Variants in HIVEP3 observed in about 807,000 individuals in gnomAD.
The protein encoded by HIVEP3 is transcription factor HIVEP3.
In HIVEP3, 49 loss-of-function variants were observed where a neutral mutation model predicts 152.8. The observed-to-expected ratio is 0.32, with a 90% CI of 0.26 to 0.41. The LOEUF is 0.41. HIVEP3 is among the 10% of genes least tolerant of loss of function. The pLI is 1.00. For missense variants in HIVEP3, 2,790 were observed against 3,103.3 expected (o/e 0.90, Z 2.40); for synonymous variants, 1,269 against 1,289.0 (o/e 0.98, Z 0.33).
intron 1 of HIVEP3, among the ~76,000 whole-genome samples, chr1:42,030,253 G>A (rs571902965): frequency 2.0e-5 from 3 of 152,230 alleles, no homozygotes; most frequent in South Asian, 2.1e-4. Context: ...ATTATTTTGC[G>A]ATTTTTCTTT....
At chr1:41,825,590 TA>T (rs1443772062) in intron 1 of HIVEP3, among the ~76,000 whole-genome samples, 114 of 151,602 alleles carry the variant, frequency 7.5e-4, no homozygotes, top group Admixed American at 6.6e-4. Context: ...TATATATATA[TA>T]TATTCATTTA....
rs201105196 is a variant in HIVEP3, at chr1:41,513,144, C to A, written c.6077G>T (p.Cys2026Phe). 1.4e-5 allele frequency: 22 copies of A among 1,613,876 alleles called. No individual in the cohort carries two copies. The highest frequency in any genetic ancestry group is 6.7e-5 in the Admixed American group (4 of 60,032). Residue 2026 changes from cysteine (C) to phenylalanine (F), a missense_variant, in exon 8 of 9, where the codon TGT (cysteine) becomes TTT (phenylalanine). Coordinates refer to ENST00000372583, the MANE Select transcript of HIVEP3 (RefSeq NM_024503.5). The part of the protein sequence containing the change: ...DPGRGMGALP[C>F]GSPRLQLSPL... The stretch of plus-strand genomic sequence containing the variant: ...AGACAGCTGAAGTCTTGGAGACCCA[C>A]AAGGGAGAGCGCCCATGCCCCTTCC...
At chr1:41,902,901 C>A (rs1213704617) in intron 1 of HIVEP3, among the ~76,000 whole-genome samples, 1 of 152,108 alleles carries the variant, frequency 6.6e-6, no homozygotes, top group Non-Finnish European at 1.5e-5. Context: ...TCTTCTTGGA[C>A]AACTATAGGG....
At chr1:41,982,914 AGCG>A (rs1645301301) in intron 1 of HIVEP3, among the ~76,000 whole-genome samples, 2 of 152,238 alleles carry the variant, frequency 1.3e-5, no homozygotes, top group African/African-American at 4.8e-5. Flanking sequence ...TCCCTAGAGC[AGCG>A]GTCCCCAATC....
At chr1:41,708,194 G>T (rs1429691965) in intron 1 of HIVEP3, among the ~76,000 whole-genome samples, 2 of 152,162 alleles carry the variant, frequency 1.3e-5, no homozygotes, top group Non-Finnish European at 2.9e-5. Context: ...TGTACCTTCT[G>T]CTCTGAGTGA....
chr1:41,526,716 C>T (rs1169583422), intron 5 of HIVEP3, among the ~76,000 whole-genome samples: 2 of 136,146 alleles, frequency 1.5e-5, no homozygotes, highest in Admixed American at 7.3e-5. Flanking sequence ...CACCCTCACA[C>T]ACACCCTCAC....
intron 1 of HIVEP3, among the ~76,000 whole-genome samples, chr1:41,711,753 G>A (rs1458123654): frequency 5.9e-5 from 9 of 152,182 alleles, no homozygotes; most frequent in East Asian, 1.9e-4. Flanking sequence ...TGAGCGGCCC[G>A]AGTGGTTCCA....
intron 1 of HIVEP3, among the ~76,000 whole-genome samples, chr1:41,734,387 G>A (rs138288335): frequency 1.3e-5 from 2 of 152,328 alleles, no homozygotes; most frequent in South Asian, 2.1e-4. Flanking sequence ...CAGGGAAGGC[G>A]AGAGATAGAC....
At chr1:41,586,762 T>C (rs1644512228) in intron 3 of HIVEP3, among the ~76,000 whole-genome samples, 1 of 152,218 alleles carries the variant, frequency 6.6e-6, no homozygotes, top group Non-Finnish European at 1.5e-5. Context: ...TGATTTGATC[T>C]TTTAGCTAAA....
chr1:41,691,859 A>C (rs1213274376), intron 2 of HIVEP3, among the ~76,000 whole-genome samples: 1 of 150,008 alleles, frequency 6.7e-6, no homozygotes, highest in Non-Finnish European at 1.5e-5. Context: ...ATTCATAGTC[A>C]CTTGTGGGTG....
At chr1:41,600,748 G>T (rs1644734387) in intron 3 of HIVEP3, among the ~76,000 whole-genome samples, 1 of 152,126 alleles carries the variant, frequency 6.6e-6, no homozygotes, top group Admixed American at 6.5e-5. Context: ...CAAGCAAGAG[G>T]TTATCTAAAT....
Position 41,582,744 on chromosome 1 carries a change from G to A in HIVEP3, c.2054C>T (p.Ala685Val). The A allele has an allele frequency of 2.5e-6, 4 of 1,614,170 alleles. No homozygotes were observed. The highest frequency in any genetic ancestry group is 2.2e-5 in the South Asian group (2 of 91,084). Residue 685 changes from alanine to valine, a missense_variant, in exon 4 of 9, where the codon GCT becomes GTT. Ala to Val is a moderately conservative substitution (Grantham distance 64). Coordinates refer to ENST00000372583, the MANE Select transcript of HIVEP3 (RefSeq NM_024503.5). The surrounding 1 kb of genome is among the most constrained non-coding windows in gnomAD (Gnocchi z 4.7). ...CTCATGCTCAATCTGACTCTTTTCAGCTTCTGGAGATGTGTGGGTGCCTGC... is the reference window on the plus strand; with the variant it reads ...CTCATGCTCAATCTGACTCTTTTCAACTTCTGGAGATGTGTGGGTGCCTGC... Reference protein sequence around the residue: ...ISAGTHTSPEAEKSQIEHEPW... With the variant: ...ISAGTHTSPEVEKSQIEHEPW...
chr1:41,718,770 A>T (rs1051159243), intron 1 of HIVEP3, among the ~76,000 whole-genome samples: 31 of 138,374 alleles, frequency 2.2e-4, no homozygotes, highest in Admixed American at 1.8e-3. Flanking sequence ...TCTCTCTTTC[A>T]CACCCACACA....
intron 1 of HIVEP3, among the ~76,000 whole-genome samples, chr1:41,897,159 A>G (rs1464859820): frequency 1.3e-5 from 2 of 152,202 alleles, no homozygotes; most frequent in African/African-American, 2.4e-5. Flanking sequence ...TGCATAGCCA[A>G]CGAGAATGGT....
chr1:41,739,608 G>A (rs1324675859), intron 1 of HIVEP3, among the ~76,000 whole-genome samples: 2 of 152,088 alleles, frequency 1.3e-5, no homozygotes, highest in African/African-American at 4.8e-5. Context: ...TTGGAAGGAA[G>A]TCTTGGCTTC....
chr1:42,026,123 T>C (rs1645580872), intron 1 of HIVEP3, among the ~76,000 whole-genome samples: 1 of 151,988 alleles, frequency 6.6e-6, no homozygotes, highest in Non-Finnish European at 1.5e-5. Context: ...GATAACTTAC[T>C]TTTCCTTTTT....
chr1:41,759,181 C>A (rs1360135061), intron 1 of HIVEP3, among the ~76,000 whole-genome samples: 1 of 144,816 alleles, frequency 6.9e-6, no homozygotes, highest in South Asian at 2.6e-4. Flanking sequence ...TTTGCCATTA[C>A]TTTTAAGGTC....
intron 1 of HIVEP3, among the ~76,000 whole-genome samples, chr1:41,769,703 A>G (rs1484991991): frequency 6.6e-6 from 1 of 152,268 alleles, no homozygotes; most frequent in African/African-American, 2.4e-5. Flanking sequence ...TTCCAAAGGT[A>G]GAACAATTTG....
intron 1 of HIVEP3, among the ~76,000 whole-genome samples, chr1:41,723,649 A>G (rs1646710923): frequency 6.6e-6 from 1 of 152,210 alleles, no homozygotes; most frequent in Non-Finnish European, 1.5e-5. Context: ...ACTCATTAGC[A>G]GTCAAGCAGT....
Sources: gnomAD v4.1 joint callset for allele counts (sites outside exome capture counted in the v4.1 genomes callset) on GRCh38, gnomAD v4.1.1 for gene constraint, Gnocchi (gnomAD v3.1) non-coding constraint, MANE v1.5 for transcripts, NCBI Gene and HGNC (gene_info 2026-07-23, HGNC 2026-07-21) for gene names.